Variants in SUDS3 observed in about 807,000 individuals in gnomAD.
SUDS3 encodes the protein sin3 histone deacetylase corepressor complex component SDS3.
SUDS3 carries 23 observed loss-of-function variants against 53.5 expected under a neutral mutation model. The ratio of observed to expected loss-of-function variants is 0.43; its 90% CI spans 0.31 to 0.61. The LOEUF is 0.61. Among genes scored for constraint, SUDS3 ranks in the 20% least tolerant of loss-of-function variants. The pLI, the probability that SUDS3 is intolerant of heterozygous loss-of-function variation, is 0.10. For missense variants in SUDS3, 291 were observed against 405.9 expected (o/e 0.72, Z 2.43); for synonymous variants, 150 against 148.5 (o/e 1.01, Z -0.08).
At chr12:118,404,680 C>T (rs528164169) in intron 10 of SUDS3, among the ~76,000 whole-genome samples, 2 of 152,204 alleles carry the variant, frequency 1.3e-5, no homozygotes, top group Admixed American at 6.5e-5. Flanking sequence ...AGTGGACATA[C>T]GGTTTGCTTT....
intron 2 of SUDS3, among the ~76,000 whole-genome samples, chr12:118,380,928 C>T (rs2046052708): frequency 6.6e-6 from 1 of 152,138 alleles, no homozygotes; most frequent in South Asian, 2.1e-4. Flanking sequence ...TGGTCTCGAA[C>T]TCCTGAGCTC....
intron 6 of SUDS3, among the ~76,000 whole-genome samples, chr12:118,399,502 G>GA (rs923936809): frequency 8.6e-5 from 13 of 151,964 alleles, no homozygotes; most frequent in Admixed American, 3.9e-4. Flanking sequence ...GCCCTGTCTT[G>GA]AAAAAATAAG....
chr12:118,393,294 TCTC>T (rs1247097260), intron 6 of SUDS3, among the ~76,000 whole-genome samples: 2 of 152,178 alleles, frequency 1.3e-5, no homozygotes. Flanking sequence ...CTTTTTAAAG[TCTC>T]CTTTTTTGGT....
intron 1 of SUDS3, among the ~76,000 whole-genome samples, chr12:118,379,912 A>T (rs1349440595): frequency 6.6e-6 from 1 of 152,242 alleles, no homozygotes; most frequent in Middle Eastern, 3.4e-3. Flanking sequence ...TGGTTCCAGG[A>T]CTTCATGGAT....
intron 10 of SUDS3, 114 bp downstream of exon 10, chr12:118,403,631 T>A: frequency 1.3e-6 from 1 of 795,182 alleles, no homozygotes; most frequent in Non-Finnish European, 2.1e-6. Context: ...TACATAGTAC[T>A]AAAAGTAGAA....
chr12:118,386,010 T>G, intron 3 of SUDS3, 104 bp from the exon 4 acceptor site: 1 of 893,896 alleles, frequency 1.1e-6, no homozygotes, highest in Non-Finnish European at 1.8e-6. Flanking sequence ...TCCTTTGGTG[T>G]TACTGAAACA....
intron 6 of SUDS3, among the ~76,000 whole-genome samples, chr12:118,396,961 T>C (rs1216225902): frequency 6.6e-6 from 1 of 152,184 alleles, no homozygotes; most frequent in Non-Finnish European, 1.5e-5. Context: ...ATTTGCACTA[T>C]TAAAAGTCAT....
intron 10 of SUDS3, among the ~76,000 whole-genome samples, chr12:118,409,337 G>A (rs538412334): frequency 6.2e-4 from 95 of 152,104 alleles, no homozygotes; most frequent in African/African-American, 2.2e-3. Context: ...AGTAGAGATG[G>A]GGTTTCACCA....
At chr12:118,398,559 A>T (rs987768963) in intron 6 of SUDS3, among the ~76,000 whole-genome samples, 1 of 150,214 alleles carries the variant, frequency 6.7e-6, no homozygotes, top group Admixed American at 6.7e-5. Flanking sequence ...TATTCCATTC[A>T]TAGGAAAAAA....
chr12:118,403,364 G>C (rs752392905), intron 9 of SUDS3, 48 bp from the exon 10 acceptor site: 11 of 1,401,626 alleles, frequency 7.8e-6, no homozygotes, highest in Admixed American at 5.5e-5. Context: ...TGGTAGACTC[G>C]CATGTGTTTG....
intron 10 of SUDS3, among the ~76,000 whole-genome samples, chr12:118,409,169 A>G (rs1185809697): frequency 6.8e-6 from 1 of 146,852 alleles, no homozygotes; most frequent in African/African-American, 2.5e-5. Context: ...TTTTTTTAAG[A>G]TAGAGTCTCG....
intron 6 of SUDS3, among the ~76,000 whole-genome samples, chr12:118,398,892 G>A (rs944065488): frequency 6.6e-6 from 1 of 152,120 alleles, no homozygotes; most frequent in African/African-American, 2.4e-5. Context: ...GTGGCACTTG[G>A]TCTACTTGAG....
At chr12:118,377,127 C>T (rs963613754) in intron 1 of SUDS3, among the ~76,000 whole-genome samples, 2 of 152,084 alleles carry the variant, frequency 1.3e-5, no homozygotes, top group African/African-American at 2.4e-5. Flanking sequence ...ACCTCACTCA[C>T]TAGTAGGAAT....
intron 10 of SUDS3, chr12:118,404,215 A>C (rs1032096180): frequency 6.6e-6 from 1 of 152,212 alleles, no homozygotes; most frequent in Non-Finnish European, 1.5e-5. Context: ...GGTTCAAGCG[A>C]TTCTCCTGCC....
chr12:118,400,848 C>A, intron 7 of SUDS3, 94 bp downstream of exon 7: 2 of 1,168,750 alleles, frequency 1.7e-6, no homozygotes, highest in South Asian at 1.2e-5. Flanking sequence ...GGCCGTTGTC[C>A]TACAGAAAAT....
intron 11 of SUDS3, among the ~76,000 whole-genome samples, chr12:118,414,081 A>G (rs140739176): frequency 9.2e-4 from 140 of 152,294 alleles, no homozygotes; most frequent in African/African-American, 3.2e-3. Context: ...TGTGCTTTCC[A>G]TTTTCGTAAT....
intron 9 of SUDS3, among the ~76,000 whole-genome samples, chr12:118,403,081 A>C (rs2046278104): frequency 6.6e-6 from 1 of 152,066 alleles, no homozygotes; most frequent in Non-Finnish European, 1.5e-5. Flanking sequence ...TTTTTAAGAG[A>C]TTTTCATAAT....
At chr12:118,414,143 C>T (rs988649965) in intron 11 of SUDS3, among the ~76,000 whole-genome samples, 192 bp from the exon 12 acceptor site, 10 of 152,280 alleles carry the variant, frequency 6.6e-5, no homozygotes, top group African/African-American at 2.2e-4. Flanking sequence ...GATGCCTGTT[C>T]CCAGCGGCAT....
chr12:118,378,432 G>GT (rs552508533), intron 1 of SUDS3, among the ~76,000 whole-genome samples: 18 of 151,278 alleles, frequency 1.2e-4, no homozygotes, highest in Non-Finnish European at 2.4e-4. Flanking sequence ...ACAGTGTAGC[G>GT]TAACAACTAC....
Sources: allele counts gnomAD v4.1 joint callset (sites outside exome capture counted in the v4.1 genomes callset), GRCh38; gene constraint gnomAD v4.1.1; transcripts MANE v1.5; gene names NCBI Gene and HGNC (gene_info 2026-07-23, HGNC 2026-07-21).